Variants in SLC8B1 observed in about 807,000 individuals in gnomAD.
SLC8B1 encodes the protein mitochondrial sodium/calcium exchanger protein.
Under a neutral mutation model 63.4 loss-of-function variants are expected in SLC8B1, and 52 were observed. The observed-to-expected ratio is 0.82, with a 90% CI of 0.66 to 1.03. The LOEUF (loss-of-function observed/expected upper bound fraction) is 1.03. Among genes scored for constraint, SLC8B1 ranks in the 50% least tolerant of loss-of-function variants. SLC8B1 has a pLI of 0.00. For synonymous variants in SLC8B1, 336 were observed against 323.9 expected (o/e 1.04, Z -0.40); for missense variants, 657 against 741.7 (o/e 0.89, Z 1.33).
intron 15 of SLC8B1, among the ~76,000 whole-genome samples, chr12:113,301,523 G>C (rs1956587453): frequency 6.6e-6 from 1 of 151,924 alleles, no homozygotes; most frequent in Admixed American, 6.6e-5. Flanking sequence ...ATTTTTAGTA[G>C]AGATGGAGTT....
intron 13 of SLC8B1, 64 bp from the exon 14 acceptor site, chr12:113,306,639 C>A (rs554490304): frequency 7.5e-7 from 1 of 1,328,296 alleles, no homozygotes; most frequent in Non-Finnish European, 1.1e-6. Context: ...TGGTCATCCA[C>A]GCCTTCATTC....
Position 113,314,455 on chromosome 12 carries a change from T to C in SLC8B1, c.1135+880A>G, listed in dbSNP as rs548063964. Among the ~76,000 whole-genome samples the C allele has an allele frequency of 7.9e-5, 12 of 152,304 alleles. 2 individuals carry two copies. In the East Asian group the frequency reaches 2.3e-3, roughly 29 times the overall value. The stretch of plus-strand genomic sequence containing the variant: ...AACAGACAGCATGAGATACTAAAGT[T>C]AGACAACAGGAAGAAATCTGGGTAG... On this transcript the variant is annotated intron_variant, in intron 11 of 15. Coordinates refer to ENST00000680972, the MANE Select transcript of SLC8B1 (RefSeq NM_001358345.2).
At chr12:113,334,017 C>G (rs959231664) in intron 1 of SLC8B1, among the ~76,000 whole-genome samples, 1 of 152,140 alleles carries the variant, frequency 6.6e-6, no homozygotes, top group Non-Finnish European at 1.5e-5. Flanking sequence ...CAGAGGAATT[C>G]CAGAACCTGC....
At chr12:113,315,520 G>C in intron 10 of SLC8B1, 44 bp from the exon 11 acceptor site, 1 of 1,505,566 alleles carries the variant, frequency 6.6e-7, no homozygotes, top group Non-Finnish European at 8.9e-7. Context: ...AGGGAAGTCT[G>C]AATCCCAGCC....
At chr12:113,316,827 G>A in intron 9 of SLC8B1, 115 bp downstream of exon 9, 1 of 1,480,564 alleles carries the variant, frequency 6.8e-7, no homozygotes, top group Admixed American at 1.8e-5. Flanking sequence ...GCAGTGAGAG[G>A]TGGGGCCGAT....
chr12:113,299,335 T>G lies in SLC8B1; in HGVS notation c.*442A>C. 1 of 189,020 alleles carries G rather than the reference T, an allele frequency of 5.3e-6. No individual in the cohort carries two copies. The highest frequency in any genetic ancestry group is 1.1e-5 in the Non-Finnish European group (1 of 88,674). The allele number at this position is 189,020 out of a possible 1,614,324, so 11.7% of individuals were successfully genotyped here. A position where few individuals can be genotyped will look rare whatever the true frequency, so the allele number is the denominator to read the frequency against. On this transcript the variant is annotated 3_prime_UTR_variant, in exon 16 of 16. Transcript: ENST00000680972. ...GTCCAAGCCACCCTCATTCTCTGAG[T>G]CAGGGTTGGGCAGCCACTTGTGTCC...
chr12:113,317,124 G>C, intron 8 of SLC8B1, 123 bp from the exon 9 acceptor site: 2 of 850,410 alleles, frequency 2.4e-6, no homozygotes, highest in Non-Finnish European at 1.9e-6. Flanking sequence ...ATTTGGGACA[G>C]GATCTTTCTC....
At chr12:113,313,250 T>G (rs1427834555) in intron 11 of SLC8B1, among the ~76,000 whole-genome samples, 1 of 152,062 alleles carries the variant, frequency 6.6e-6, no homozygotes, top group African/African-American at 2.4e-5. Flanking sequence ...TACCTTAAAT[T>G]TATTGGAAAT....
chr12:113,326,965 G>A (rs1194894958), intron 2 of SLC8B1, among the ~76,000 whole-genome samples: 7 of 152,144 alleles, frequency 4.6e-5, no homozygotes, highest in African/African-American at 1.2e-4. Flanking sequence ...CAAGTCTCAA[G>A]TTTCTGTCCT....
rs200933393 is a variant in SLC8B1 at position 113,318,360 on chromosome 12, ATG to A, written c.802+602_802+603del. 6.3e-3 allele frequency among the ~76,000 whole-genome samples: 953 copies of A among 150,396 alleles called. 9 individuals are homozygous for A. Among genetic ancestry groups the A allele is most frequent in the African/African-American group, 0.022 (890 of 40,718 alleles). On this transcript the variant is annotated intron_variant, in intron 8 of 15. Coordinates refer to ENST00000680972, the MANE Select transcript of SLC8B1 (RefSeq NM_001358345.2). Reference sequence around the variant, plus strand: ...GTTGCATGTGTGTGCATGTACTCCTATGTGTGTTGTGTGTGTTGTATATGTGT... The same window carrying A: ...GTTGCATGTGTGTGCATGTACTCCTATGTGTTGTGTGTGTTGTATATGTGT...
chr12:113,316,693 G>A (rs770767646), intron 9 of SLC8B1, 37 bp from the exon 10 acceptor site: 6 of 1,605,940 alleles, frequency 3.7e-6, no homozygotes, highest in Non-Finnish European at 5.1e-6. Context: ...TGTGCCTGCG[G>A]CTGACTTGCT....
chr12:113,300,160 T>C lies in SLC8B1; in HGVS notation c.1558-186A>G, dbSNP rs74620153. On this transcript the variant is annotated intron_variant, in intron 15 of 15. Coordinates refer to ENST00000680972, the MANE Select transcript of SLC8B1 (RefSeq NM_001358345.2). ...ATCCAGCCTCAACAACAATGCACCC[T>C]CAACAACAATGCACCCTCAACAACA... 0.015 allele frequency among the ~76,000 whole-genome samples: 2,300 copies of C among 152,012 alleles called. 121 individuals carry two copies. In the East Asian group the frequency reaches 0.18, roughly 12 times the overall value.
chr12:113,330,352 G>GCTGCCCCAT (rs1440708011), intron 2 of SLC8B1, among the ~76,000 whole-genome samples: 1 of 152,232 alleles, frequency 6.6e-6, no homozygotes, highest in Non-Finnish European at 1.5e-5. Flanking sequence ...CAGAAAGGCA[G>GCTGCCCCAT]CTGCCCCATC....
intron 2 of SLC8B1, among the ~76,000 whole-genome samples, chr12:113,324,551 T>A (rs1956973299): frequency 6.8e-6 from 1 of 148,056 alleles, no homozygotes; most frequent in Non-Finnish European, 1.5e-5. Flanking sequence ...GGACTACAGG[T>A]GCCCACCGAC....
intron 2 of SLC8B1, among the ~76,000 whole-genome samples, chr12:113,323,790 C>G (rs1441590408): frequency 1.3e-5 from 2 of 152,260 alleles, no homozygotes; most frequent in Middle Eastern, 3.4e-3. Context: ...AAAGCTTTGT[C>G]AAACCACAGT....
At chr12:113,323,371 T>A (rs907073553) in intron 2 of SLC8B1, among the ~76,000 whole-genome samples, 1 of 152,320 alleles carries the variant, frequency 6.6e-6, no homozygotes, top group African/African-American at 2.4e-5. Flanking sequence ...ACATTGGCTA[T>A]GAGCAGCCTT....
chr12:113,320,772 G>T lies in SLC8B1; in HGVS notation c.420+78C>A. 1 of 1,576,332 alleles carries T rather than the reference G, an allele frequency of 6.3e-7. No homozygotes were observed. The highest frequency in any genetic ancestry group is 1.2e-5 in the South Asian group (1 of 86,832). On this transcript the variant is annotated intron_variant, in intron 5 of 15. Transcript: ENST00000680972. The surrounding 1 kb of genome is among the most constrained non-coding windows in gnomAD (Gnocchi z 5.3). Reference sequence around the variant, plus strand: ...CCTATCCCCCAGCTTCCCCACACGGGGATAGACATGACCCTATCTCCCAGC... The same window carrying T: ...CCTATCCCCCAGCTTCCCCACACGGTGATAGACATGACCCTATCTCCCAGC...
intron 2 of SLC8B1, among the ~76,000 whole-genome samples, chr12:113,321,604 C>G (rs145763958): frequency 0.017 from 2,628 of 151,982 alleles, 29 homozygotes; most frequent in Middle Eastern, 0.038. Flanking sequence ...CTTTCTTATC[C>G]CTGCCCTCCG....
chr12:113,327,867 A>G (rs1298343848), intron 2 of SLC8B1, among the ~76,000 whole-genome samples: 1 of 151,422 alleles, frequency 6.6e-6, no homozygotes, highest in East Asian at 1.9e-4. Flanking sequence ...AATCGCAGCT[A>G]CTTGGGAAGC....
Sources: gnomAD v4.1 joint callset for allele counts (sites outside exome capture counted in the v4.1 genomes callset) on GRCh38, gnomAD v4.1.1 for gene constraint, Gnocchi (gnomAD v3.1) non-coding constraint, MANE v1.5 for transcripts, NCBI Gene and HGNC (gene_info 2026-07-23, HGNC 2026-07-21) for gene names.